The following CMIP variants were observed in gnomAD, a reference collection of about 807,000 sequenced individuals.
CMIP encodes the protein C-Maf-inducing protein.
In CMIP, 13 loss-of-function variants were observed where a neutral mutation model predicts 97.3. The ratio of observed to expected loss-of-function variants is 0.13; its 90% confidence interval spans 0.09 to 0.21. CMIP has a LOEUF of 0.21. Ranked by LOEUF, CMIP falls within the 10% of genes least tolerant of loss-of-function variation. The probability of loss-of-function intolerance (pLI) is 1.00; values close to 1 mark genes in which losing one functional copy is unlikely to be tolerated. For synonymous variants in CMIP, 538 were observed against 436.3 expected (o/e 1.23, Z -2.91); for missense variants, 847 against 1,024.9 (o/e 0.83, Z 2.37).
At chr16:81,480,020 C>T (rs757920820) in intron 1 of CMIP, among the ~76,000 whole-genome samples, 5 of 152,164 alleles carry the variant, frequency 3.3e-5, no homozygotes, top group African/African-American at 7.2e-5. Context: ...TGGGGATCTT[C>T]GTAACCCCCA....
chr16:81,560,022 C>T (rs1484471881), intron 1 of CMIP, among the ~76,000 whole-genome samples: 1 of 151,776 alleles, frequency 6.6e-6, no homozygotes, highest in Non-Finnish European at 1.5e-5. Flanking sequence ...GTGGTGTGCA[C>T]CTGTAATCCC....
intron 1 of CMIP, among the ~76,000 whole-genome samples, chr16:81,543,932 A>T (rs1056889211): frequency 6.6e-6 from 1 of 152,262 alleles, no homozygotes; most frequent in African/African-American, 2.4e-5. Flanking sequence ...GAATCGTATT[A>T]TCGGGAAAAG....
intron 15 of CMIP, chr16:81,700,656 C>G (rs560976670): frequency 1.3e-5 from 2 of 152,578 alleles, no homozygotes; most frequent in Admixed American, 6.5e-5. Context: ...TGGGAGCTCC[C>G]GTGGAAATGA....
intron 9 of CMIP, among the ~76,000 whole-genome samples, chr16:81,673,338 A>G (rs1304968113): frequency 6.6e-6 from 1 of 152,150 alleles, no homozygotes; most frequent in Non-Finnish European, 1.5e-5. Context: ...CAACATAGTG[A>G]AACCCCGTCT....
chr16:81,606,538 TG>T (rs1156880858), intron 1 of CMIP, among the ~76,000 whole-genome samples: 1 of 152,062 alleles, frequency 6.6e-6, no homozygotes, highest in African/African-American at 2.4e-5. Flanking sequence ...TGGGTGGCTG[TG>T]GATTTATCTT....
intron 1 of CMIP, among the ~76,000 whole-genome samples, chr16:81,490,170 CAG>C (rs2089383336): frequency 6.6e-6 from 1 of 152,176 alleles, no homozygotes; most frequent in South Asian, 2.1e-4. Context: ...TCCTCTCTGA[CAG>C]AGTCATCACT....
intron 10 of CMIP, among the ~76,000 whole-genome samples, chr16:81,684,212 C>G (rs1905160736): frequency 6.6e-6 from 1 of 151,604 alleles, no homozygotes; most frequent in South Asian, 2.1e-4. Context: ...AGGGAATTTT[C>G]CTGAGGTCCT....
intron 1 of CMIP, among the ~76,000 whole-genome samples, chr16:81,501,608 C>CTTT (rs1046564135): frequency 3.1e-5 from 4 of 129,324 alleles, no homozygotes; most frequent in African/African-American, 8.5e-5. Context: ...GACTCTGGTT[C>CTTT]TTTTTTTTTT....
At position 81,616,163 on chromosome 16, in the gene CMIP, T is replaced by G. The variant is rs536337468; in HGVS notation, c.427-4713T>G. 6.1e-4 allele frequency among the ~76,000 whole-genome samples: 92 copies of G among 152,024 alleles called. No homozygotes were observed. Among genetic ancestry groups the G allele is most frequent in the African/African-American group, 2.2e-3 (90 of 41,486 alleles). On this transcript the variant is annotated intron_variant, in intron 2 of 20. Transcript: ENST00000537098. This position sits in a 1 kb window ranked among gnomAD's most constrained non-coding sequence, Gnocchi z 4.7. ...AATTCATTCAGCTGTATTTTTTTTT[T>G]TTTTTTTTTAACACCAGGCTCACTG... is the stretch of plus-strand genomic sequence containing the variant.
chr16:81,488,999 C>G (rs1162736177), intron 1 of CMIP, among the ~76,000 whole-genome samples: 1 of 150,914 alleles, frequency 6.6e-6, no homozygotes, highest in Admixed American at 6.6e-5. Flanking sequence ...TCAGTCTCTT[C>G]CCATTCTTTC....
intron 10 of CMIP, among the ~76,000 whole-genome samples, chr16:81,681,146 C>G (rs1904835924): frequency 1.3e-5 from 2 of 152,222 alleles, no homozygotes; most frequent in Non-Finnish European, 2.9e-5. Flanking sequence ...ACGCCTATCC[C>G]CAAGCCCTCC....
chr16:81,451,107 G>A (rs1906181466), intron 1 of CMIP, among the ~76,000 whole-genome samples: 1 of 152,186 alleles, frequency 6.6e-6, no homozygotes. Flanking sequence ...CAGCCTCTTT[G>A]ATATGGTTTG....
At chr16:81,464,418 G>A (rs1907078517) in intron 1 of CMIP, 1 of 152,166 alleles carries the variant, frequency 6.6e-6, no homozygotes, top group Admixed American at 6.5e-5. Context: ...TCCCTACCCC[G>A]GTACAGCATG....
At chr16:81,569,335 C>G (rs1169025726) in intron 1 of CMIP, among the ~76,000 whole-genome samples, 1 of 152,192 alleles carries the variant, frequency 6.6e-6, no homozygotes, top group Admixed American at 6.5e-5. Flanking sequence ...ATGACTTCGG[C>G]GAGGTACCCC....
chr16:81,450,739 G>A (rs1203813798), intron 1 of CMIP, among the ~76,000 whole-genome samples: 1 of 152,136 alleles, frequency 6.6e-6, no homozygotes, highest in Non-Finnish European at 1.5e-5. Context: ...TTCCTTGCGG[G>A]GCGTAGTCTA....
chr16:81,470,625 A>G (rs1441634743), intron 1 of CMIP, among the ~76,000 whole-genome samples: 1 of 152,220 alleles, frequency 6.6e-6, no homozygotes, highest in Non-Finnish European at 1.5e-5. Flanking sequence ...GATTTAAAAA[A>G]GCTATTAAAA....
At chr16:81,609,524 A>T (rs1416823152) in intron 2 of CMIP, among the ~76,000 whole-genome samples, 1 of 152,254 alleles carries the variant, frequency 6.6e-6, no homozygotes, top group Non-Finnish European at 1.5e-5. Flanking sequence ...CCCATGCGTG[A>T]AGAGCCCCTC....
chr16:81,448,664 G>C (rs964864132), intron 1 of CMIP, among the ~76,000 whole-genome samples: 5 of 152,248 alleles, frequency 3.3e-5, no homozygotes, highest in Non-Finnish European at 7.3e-5. Flanking sequence ...CGTGCCTAAT[G>C]TGGCTTGTGA....
intron 18 of CMIP, 139 bp from the exon 19 acceptor site, chr16:81,705,360 C>A: frequency 3.2e-6 from 2 of 617,088 alleles, no homozygotes; most frequent in Middle Eastern, 3.9e-4. Flanking sequence ...GTGAACGCAG[C>A]CCAGACCCCA....
Sources: gnomAD v4.1 joint callset for allele counts (sites outside exome capture counted in the v4.1 genomes callset) on GRCh38, gnomAD v4.1.1 for gene constraint, Gnocchi (gnomAD v3.1) non-coding constraint, MANE v1.5 for transcripts, NCBI Gene and HGNC (gene_info 2026-07-23, HGNC 2026-07-21) for gene names.